The following TNFSF8 variants were observed in gnomAD, a reference collection of about 807,000 sequenced individuals.
TNFSF8 encodes TNF superfamily member 8.
A neutral mutation model predicts 22.0 loss-of-function variants in TNFSF8; 4 were observed. The observed-to-expected ratio is 0.18, with a 90% CI of 0.09 to 0.42. The LOEUF is 0.42. Among genes scored for constraint, TNFSF8 ranks in the 10% least tolerant of loss-of-function variants. The pLI, the probability that TNFSF8 is intolerant of heterozygous loss-of-function variation, is 1.00. For missense variants in TNFSF8, 233 were observed against 281.8 expected (o/e 0.83, Z 1.24); for synonymous variants, 106 against 112.5 (o/e 0.94, Z 0.37).
At chr9:114,928,481 T>C (rs1291866641) in intron 1 of TNFSF8, among the ~76,000 whole-genome samples, 2 of 152,232 alleles carry the variant, frequency 1.3e-5, no homozygotes, top group Non-Finnish European at 1.5e-5. Context: ...TCTGAAGTTC[T>C]CTCTAGCTTT....
At chr9:114,914,500 A>G (rs1171522408) in intron 2 of TNFSF8, among the ~76,000 whole-genome samples, 1 of 152,210 alleles carries the variant, frequency 6.6e-6, no homozygotes, top group Non-Finnish European at 1.5e-5. Context: ...ACAAGGAGTG[A>G]TGAGGAGAAG....
chr9:114,904,384 A>AT (rs1194414374), intron 3 of TNFSF8, 59 bp from the exon 4 acceptor site: 2 of 1,528,556 alleles, frequency 1.3e-6, no homozygotes, highest in Non-Finnish European at 1.7e-6. Context: ...CGCATTGCAA[A>AT]ATTCTAAGTC....
rs1024630219 is a variant in TNFSF8 at position 114,901,290 on chromosome 9, A to G, written c.*2641T>C. ...AAACTTCCTGGGTTGCCTACTCCCT[A>G]CATATCTATCAGTTGAGTTATTAAT... On this transcript the variant is annotated 3_prime_UTR_variant, in exon 4 of 4. Coordinates refer to ENST00000223795, the MANE Select transcript of TNFSF8 (RefSeq NM_001244.4). 4 of 985,282 alleles carry G rather than the reference A, an allele frequency of 4.1e-6. No individual in the cohort carries two copies. The highest frequency in any genetic ancestry group is 4.8e-6 in the Non-Finnish European group (4 of 829,916). The allele number at this position is 985,282 out of a possible 1,614,324, so 61.0% of individuals were successfully genotyped here. A position where few individuals can be genotyped will look rare whatever the true frequency, so the allele number is the denominator to read the frequency against.
At chr9:114,909,030 G>T (rs1289066982) in intron 2 of TNFSF8, among the ~76,000 whole-genome samples, 1 of 152,196 alleles carries the variant, frequency 6.6e-6, no homozygotes, top group African/African-American at 2.4e-5. Context: ...GCAATGGAAA[G>T]ACGTACACTA....
chr9:114,908,950 G>GT (rs1047494805), intron 2 of TNFSF8, among the ~76,000 whole-genome samples: 2 of 152,166 alleles, frequency 1.3e-5, no homozygotes, highest in African/African-American at 4.8e-5. Context: ...AAACCTCCAA[G>GT]TGGAAGAGGA....
rs10535780 is a variant in TNFSF8 at position 114,929,874 on chromosome 9, C to CATATAT, written c.195+229_195+234dup. ...GTTCCTCTTTCTTTTCTCCCTTTCTCATATATATATATATATATAATATAT... is the reference window on the plus strand; with the variant it reads ...GTTCCTCTTTCTTTTCTCCCTTTCTCATATATATATATATATATATATATAATATAT... On this transcript the variant is annotated intron_variant, in intron 1 of 3. Transcript: ENST00000223795. 1.2e-4 allele frequency among the ~76,000 whole-genome samples: 17 copies of CATATAT among 145,116 alleles called. No homozygotes were observed. The East Asian group carries it at 2.0e-3, about 17-fold the overall frequency.
intron 2 of TNFSF8, among the ~76,000 whole-genome samples, chr9:114,916,938 G>C (rs1490241757): frequency 6.6e-6 from 1 of 152,274 alleles, no homozygotes; most frequent in South Asian, 2.1e-4. Flanking sequence ...TAGGAACTGA[G>C]GTCACATGCT....
chr9:114,920,436 G>A (rs991990134), intron 1 of TNFSF8, among the ~76,000 whole-genome samples: 16 of 152,266 alleles, frequency 1.1e-4, no homozygotes, highest in South Asian at 6.2e-4. Context: ...TAGGAACTAC[G>A]TTAGTCACTA....
chr9:114,918,245 A>G, intron 1 of TNFSF8, 107 bp from the exon 2 acceptor site: 2 of 886,052 alleles, frequency 2.3e-6, no homozygotes, highest in African/African-American at 1.7e-5. Flanking sequence ...GCAATTTACA[A>G]TTCATCCTCC....
At chr9:114,918,329 A>G (rs1251463329) in intron 1 of TNFSF8, among the ~76,000 whole-genome samples, 191 bp from the exon 2 acceptor site, 1 of 152,190 alleles carries the variant, frequency 6.6e-6, no homozygotes, top group Non-Finnish European at 1.5e-5. Flanking sequence ...ACAATCTATT[A>G]GAAATGCAAG....
chr9:114,896,244 G>T (rs1339057020), downstream of TNFSF8, among the ~76,000 whole-genome samples: 1 of 152,192 alleles, frequency 6.6e-6, no homozygotes, highest in Non-Finnish European at 1.5e-5. Context: ...AGGTATGTAT[G>T]AGATGCCTGC....
chr9:114,927,760 C>A (rs1195337779), intron 1 of TNFSF8, among the ~76,000 whole-genome samples: 1 of 152,148 alleles, frequency 6.6e-6, no homozygotes, highest in Admixed American at 6.5e-5. Flanking sequence ...CCATCACATA[C>A]AGAGTGCTAA....
At chr9:114,899,890 C>A (rs894730068), downstream of TNFSF8, among the ~76,000 whole-genome samples, 12 of 152,092 alleles carry the variant, frequency 7.9e-5, no homozygotes, top group Admixed American at 6.5e-4. Context: ...CTTTGTGACA[C>A]CATTTATAAT....
At chr9:114,910,439 G>A (rs965760717) in intron 2 of TNFSF8, among the ~76,000 whole-genome samples, 1 of 152,186 alleles carries the variant, frequency 6.6e-6, no homozygotes, top group Admixed American at 6.5e-5. Flanking sequence ...TCCACAGTAG[G>A]TAAATGGTGG....
chr9:114,895,021 A>C lies in TNFSF8; in HGVS notation c.410-857T>G, dbSNP rs112545420. 5.2e-3 allele frequency among the ~76,000 whole-genome samples: 785 copies of C among 152,332 alleles called. 4 individuals are homozygous for C. The highest frequency in any genetic ancestry group is 9.0e-3 in the Non-Finnish European group (614 of 68,030). On this transcript the variant is annotated intron_variant, in intron 4 of 4. Transcript: ENST00000618336. ...TGTGAGAACGGAAGGCATAGTCAGA[A>C]TGTCAAGGAGGTTAGGTCATCTGCG...
At chr9:114,906,201 C>T (rs1218890462) in intron 2 of TNFSF8, among the ~76,000 whole-genome samples, 2 of 152,134 alleles carry the variant, frequency 1.3e-5, no homozygotes, top group Non-Finnish European at 2.9e-5. Context: ...TGGCACTATA[C>T]GTATTTCATC....
At chr9:114,916,290 A>C (rs1263378359) in intron 2 of TNFSF8, among the ~76,000 whole-genome samples, 1 of 152,168 alleles carries the variant, frequency 6.6e-6, no homozygotes, top group Non-Finnish European at 1.5e-5. Context: ...TATTTTTTGT[A>C]CTTCACTTTG....
chr9:114,913,710 C>A (rs1455524478), intron 2 of TNFSF8, among the ~76,000 whole-genome samples: 1 of 152,212 alleles, frequency 6.6e-6, no homozygotes, highest in South Asian at 2.1e-4. Context: ...CCCTCCTAAC[C>A]AGCTCTGAAA....
rs3181372 is a variant in TNFSF8 at position 114,903,155 on chromosome 9, A to G, written c.*776T>C. 87,003 of 152,188 alleles carry G rather than the reference A, an allele frequency of 0.57. 26,798 individuals carry two copies. Among genetic ancestry groups the G allele is most frequent in the African/African-American group, 0.8 (33,208 of 41,532 alleles). The allele number at this position is 152,188 out of a possible 1,614,324, so 9.4% of individuals were successfully genotyped here. On this transcript the variant is annotated 3_prime_UTR_variant, in exon 4 of 4. Coordinates refer to ENST00000223795, the MANE Select transcript of TNFSF8 (RefSeq NM_001244.4). Reference sequence around the variant, plus strand: ...TTCTTATTCCTGCCTCATGTAACCTAGAGAAGGAGGACTGCCCTTCAGACT... The same window carrying G: ...TTCTTATTCCTGCCTCATGTAACCTGGAGAAGGAGGACTGCCCTTCAGACT...
Sources: allele counts gnomAD v4.1 joint callset (sites outside exome capture counted in the v4.1 genomes callset), GRCh38; gene constraint gnomAD v4.1.1; transcripts MANE v1.5; gene names NCBI Gene and HGNC (gene_info 2026-07-23, HGNC 2026-07-21).